The following SGCD variants were observed in gnomAD, a reference collection of about 807,000 sequenced individuals.
The protein encoded by SGCD is delta-sarcoglycan.
Under a neutral mutation model 36.6 loss-of-function variants are expected in SGCD, and 18 were observed. The ratio of observed to expected loss-of-function variants is 0.49; its 90% CI spans 0.34 to 0.73. The LOEUF is 0.73. Ranked by LOEUF, SGCD falls within the 30% of genes least tolerant of loss-of-function variation. SGCD has a pLI of 0.01. For synonymous variants in SGCD, 133 were observed against 130.6 expected, an observed-to-expected ratio of 1.02 and a Z score of -0.12; for missense variants, 387 against 346.7, an observed-to-expected ratio of 1.12 and a Z score of -0.92.
At chr5:156,263,455 T>C (rs780706150) in intron 3 of SGCD, among the ~76,000 whole-genome samples, 9 of 152,186 alleles carry the variant, frequency 5.9e-5, no homozygotes, top group Non-Finnish European at 5.9e-5. Context: ...GTTTTTTTTC[T>C]TGCTAATTTG....
intron 1 of SGCD, among the ~76,000 whole-genome samples, chr5:155,892,872 G>A (rs894804483): frequency 2.0e-5 from 3 of 152,140 alleles, no homozygotes; most frequent in East Asian, 1.9e-4. Context: ...AGACAAATAC[G>A]CATGATCTCA....
At chr5:156,481,560 T>C (rs778529259) in intron 3 of SGCD, among the ~76,000 whole-genome samples, 5 of 152,230 alleles carry the variant, frequency 3.3e-5, no homozygotes, top group Non-Finnish European at 1.5e-5. Flanking sequence ...GGGTGCCTAA[T>C]TTGAAACATC....
At chr5:156,381,029 C>A (rs916570575) in intron 3 of SGCD, among the ~76,000 whole-genome samples, 9 of 152,168 alleles carry the variant, frequency 5.9e-5, no homozygotes, top group African/African-American at 1.7e-4. Context: ...CTCTCTCATT[C>A]CTCTCCCATG....
intron 1 of SGCD, among the ~76,000 whole-genome samples, chr5:156,033,459 T>C (rs1015435725): frequency 1.3e-5 from 2 of 152,210 alleles, no homozygotes; most frequent in Non-Finnish European, 2.9e-5. Flanking sequence ...CCCACTGTTT[T>C]GTCCCCACTT....
At chr5:156,185,335 C>T (rs2127629328) in intron 3 of SGCD, among the ~76,000 whole-genome samples, 1 of 151,720 alleles carries the variant, frequency 6.6e-6, no homozygotes, top group Non-Finnish European at 1.5e-5. Context: ...CTGTCTCAGC[C>T]TCCCGAGTAG....
At chr5:156,005,651 C>T (rs1294481532) in intron 1 of SGCD, among the ~76,000 whole-genome samples, 1 of 152,156 alleles carries the variant, frequency 6.6e-6, no homozygotes. Flanking sequence ...GGGGTTTCAC[C>T]GTGTTAGCCA....
At chr5:156,510,015 T>C (rs1424503293) in intron 4 of SGCD, among the ~76,000 whole-genome samples, 1 of 152,206 alleles carries the variant, frequency 6.6e-6, no homozygotes, top group Non-Finnish European at 1.5e-5. Context: ...TTATTGAAAT[T>C]CAGCAACTTG....
intron 1 of SGCD, among the ~76,000 whole-genome samples, chr5:155,936,994 G>A (rs1475717844): frequency 2.0e-5 from 3 of 152,178 alleles, no homozygotes; most frequent in Non-Finnish European, 4.4e-5. Flanking sequence ...TGAGATTAGA[G>A]CGAGTGCCAG....
chr5:156,220,027 A>G (rs1764679028), intron 3 of SGCD, among the ~76,000 whole-genome samples: 1 of 152,168 alleles, frequency 6.6e-6, no homozygotes. Context: ...GAGTTTGATG[A>G]ATACTGGAGG....
intron 1 of SGCD, among the ~76,000 whole-genome samples, chr5:156,053,592 C>T (rs901130687): frequency 6.8e-6 from 1 of 146,162 alleles, no homozygotes; most frequent in Non-Finnish European, 1.5e-5. Flanking sequence ...GAGCTTGGAG[C>T]TCTTGTGTGA....
intron 1 of SGCD, among the ~76,000 whole-genome samples, chr5:155,954,600 A>G (rs1757611745): frequency 6.6e-6 from 1 of 150,684 alleles, no homozygotes; most frequent in Non-Finnish European, 1.5e-5. Context: ...ACTAGAATAT[A>G]AAACTTGCAA....
At chr5:156,588,821 A>G (rs1760599088) in intron 4 of SGCD, among the ~76,000 whole-genome samples, 1 of 152,046 alleles carries the variant, frequency 6.6e-6, no homozygotes, top group South Asian at 2.1e-4. Context: ...TTCTATAAGG[A>G]CTCTGCATGG....
chr5:156,704,550 C>T (rs1227149383), intron 7 of SGCD, among the ~76,000 whole-genome samples: 2 of 152,038 alleles, frequency 1.3e-5, no homozygotes, highest in Non-Finnish European at 2.9e-5. Flanking sequence ...GAATACTGGG[C>T]AGGTAAAAAC....
At chr5:156,484,675 A>G (rs1435979967) in intron 3 of SGCD, among the ~76,000 whole-genome samples, 4 of 152,128 alleles carry the variant, frequency 2.6e-5, no homozygotes, top group African/African-American at 9.7e-5. Context: ...TCACATATAT[A>G]TTAGTCATGG....
chr5:156,631,956 AATTGCAAGTGACAC>A (rs1168370302), intron 6 of SGCD, among the ~76,000 whole-genome samples: 1 of 152,174 alleles, frequency 6.6e-6, no homozygotes, highest in Non-Finnish European at 1.5e-5. Context: ...GGGTATGTCT[AATTGCAAGTGACAC>A]AAAGCAAAAT....
intron 7 of SGCD, among the ~76,000 whole-genome samples, chr5:156,751,722 A>G (rs906770548): frequency 6.6e-6 from 1 of 152,240 alleles, no homozygotes; most frequent in Non-Finnish European, 1.5e-5. Flanking sequence ...TAATTAGGTA[A>G]ATGCAGTTTT....
the SGCD span, chr5:155,845,351 G>A: frequency 1.3e-5 from 2 of 152,090 alleles, no homozygotes; most frequent in Non-Finnish European, 2.9e-5. Flanking sequence ...AGGAAGGAGT[G>A]AGATAATGTG....
chr5:155,838,790 A>C, the SGCD span, among the ~76,000 whole-genome samples: 2 of 149,616 alleles, frequency 1.3e-5, no homozygotes, highest in South Asian at 2.1e-4. Context: ...AAAAAAAAAA[A>C]AACAATTCAA....
the SGCD span, among the ~76,000 whole-genome samples, chr5:155,843,496 A>G: frequency 6.6e-6 from 1 of 152,222 alleles, no homozygotes. Context: ...ACCAGGTCAC[A>G]TACTTACTGA....
Sources: gnomAD v4.1 joint callset for allele counts (sites outside exome capture counted in the v4.1 genomes callset) on GRCh38, gnomAD v4.1.1 for gene constraint, MANE v1.5 for transcripts, NCBI Gene and HGNC (gene_info 2026-07-23, HGNC 2026-07-21) for gene names.